The following ADAT1 variants were observed in gnomAD, a reference collection of about 807,000 sequenced individuals.
The protein encoded by ADAT1 is tRNA-specific adenosine deaminase 1.
In ADAT1, 58 loss-of-function variants were observed where a neutral mutation model predicts 58.6. The ratio of observed to expected loss-of-function variants is 0.99; its 90% CI spans 0.80 to 1.23. The LOEUF is 1.23. Among genes scored for constraint, ADAT1 ranks in the 50% most tolerant of loss-of-function variants. The pLI is 0.00. For missense variants in ADAT1, 741 were observed against 608.6 expected, an observed-to-expected ratio of 1.22 and a Z score of -2.29; for synonymous variants, 254 against 220.8, an observed-to-expected ratio of 1.15 and a Z score of -1.33.
At chr16:75,608,783 G>A (rs1183306815) in intron 7 of ADAT1, 60 bp downstream of exon 7, 4 of 1,570,174 alleles carry the variant, frequency 2.5e-6, no homozygotes, top group Non-Finnish European at 3.4e-6. Context: ...CCGACCCTCT[G>A]GGGCCACTCT....
chr16:75,600,456 T>G, intron 9 of ADAT1, 108 bp from the exon 10 acceptor site: 1 of 1,499,182 alleles, frequency 6.7e-7, no homozygotes, highest in South Asian at 1.3e-5. Flanking sequence ...GAGACTTAGG[T>G]AGAGAAGGAG....
rs761013553 is a variant in ADAT1 at position 75,603,110 on chromosome 16, T to C, written c.1351A>G (p.Arg451Gly). ...SFQKLLSRIARDKWPHSLRVQ... is the reference protein window; with the variant it reads ...SFQKLLSRIAGDKWPHSLRVQ... The stretch of plus-strand genomic sequence containing the variant: ...CTGAGGGAGTGTGGCCACTTGTCCC[T>C]TGCAATTCTGCTTAGCAGCTTCTGG... Residue 451 changes from arginine (R) to glycine (G), a missense_variant, in exon 9 of 10, where the codon AGG (arginine) becomes GGG (glycine). Arg to Gly is a moderately radical substitution (Grantham distance 125). Coordinates refer to ENST00000564657, the MANE Select transcript of ADAT1 (RefSeq NM_001324445.2). 13 of 1,613,988 alleles carry C rather than the reference T, an allele frequency of 8.1e-6. No individual in the cohort carries two copies. The highest frequency in any genetic ancestry group is 1.0e-5 in the Non-Finnish European group (12 of 1,179,966).
At chr16:75,617,387 T>C (rs947069354) in intron 4 of ADAT1, 115 bp from the exon 5 acceptor site, 18 of 1,150,198 alleles carry the variant, frequency 1.6e-5, no homozygotes, top group East Asian at 4.8e-5. Context: ...CTGGTAGTGA[T>C]GGGGAATTAT....
chr16:75,602,407 A>T (rs1251311741), intron 9 of ADAT1, among the ~76,000 whole-genome samples: 1 of 152,210 alleles, frequency 6.6e-6, no homozygotes, highest in Non-Finnish European at 1.5e-5. Context: ...TAGCCTTCAT[A>T]ATAAAACTTT....
chr16:75,603,517 G>A (rs774268266), intron 8 of ADAT1, among the ~76,000 whole-genome samples: 31 of 152,176 alleles, frequency 2.0e-4, no homozygotes, highest in Non-Finnish European at 4.4e-4. Context: ...ACAAGAAATG[G>A]AAAGCTTTGT....
chr16:75,621,465 C>T (rs2081928333), intron 1 of ADAT1, among the ~76,000 whole-genome samples: 1 of 151,990 alleles, frequency 6.6e-6, no homozygotes. Context: ...CTTGCTGGGT[C>T]TGTTTCCTCA....
rs770955393 is a variant in ADAT1 at position 75,608,945 on chromosome 16, C to A, written c.1087G>T (p.Glu363Ter). 3 of 1,614,180 alleles carry A rather than the reference C, an allele frequency of 1.9e-6. No individual in the cohort carries two copies. Among genetic ancestry groups the A allele is most frequent in the Admixed American group, 3.3e-5 (2 of 59,994 alleles). ...AAATCTGACTGCAGTATTTTTAATTCTTGAACTCCGAAGCCTTTTGGTAAA... is the reference window on the plus strand; with the variant it reads ...AAATCTGACTGCAGTATTTTTAATTATTGAACTCCGAAGCCTTTTGGTAAA... Reference protein sequence around the residue: ...SALPKGFGVQELKILQSDLLF... With the variant: ...SALPKGFGVQ Residue 363 changes from glutamate (E) to a stop codon, truncating the protein, a stop_gained, in exon 7 of 10, where the codon GAA (glutamate) becomes TAA (stop). Coordinates refer to ENST00000564657, the MANE Select transcript of ADAT1 (RefSeq NM_001324445.2). LOFTEE classifies it high-confidence loss of function.
chr16:75,610,044 C>G (rs1567471876), intron 6 of ADAT1, among the ~76,000 whole-genome samples: 1 of 152,096 alleles, frequency 6.6e-6, no homozygotes, highest in Admixed American at 6.5e-5. Context: ...TATGGATTTG[C>G]CTGTTCTAGA....
rs1052311565 is a variant in ADAT1 at position 75,608,558 on chromosome 16, G to A, written c.1190-235C>T. 2.0e-4 allele frequency: 116 copies of A among 581,134 alleles called. No homozygotes were observed. The East Asian group carries it at 3.2e-3, about 16-fold the overall frequency. The allele number at this position is 581,134 out of a possible 1,614,324, so 36.0% of individuals were successfully genotyped here. A position where few individuals can be genotyped will look rare whatever the true frequency, so the allele number is the denominator to read the frequency against. On this transcript the variant is annotated intron_variant, in intron 7 of 9. Coordinates refer to ENST00000564657, the MANE Select transcript of ADAT1 (RefSeq NM_001324445.2). Reference sequence around the variant, plus strand: ...GAGCATTTATTATTTGCTGGGCACAGAGTAAATGCATTAAACAGAATTTCT... The same window carrying A: ...GAGCATTTATTATTTGCTGGGCACAAAGTAAATGCATTAAACAGAATTTCT...
chr16:75,621,596 T>C (rs1286533876), intron 1 of ADAT1, among the ~76,000 whole-genome samples: 1 of 152,192 alleles, frequency 6.6e-6, no homozygotes, highest in African/African-American at 2.4e-5. Context: ...ATTGCTACTA[T>C]GTTGAGCATA....
In ADAT1 at chr16:75,604,474, T is replaced by TACACACACACAC. The variant is rs373687206; in HGVS notation, c.1290-1315_1290-1304dup. Among the ~76,000 whole-genome samples the TACACACACACAC allele has an allele frequency of 7.6e-3, 409 of 53,996 alleles. 7 individuals carry two copies. The highest frequency in any genetic ancestry group is 0.013 in the Middle Eastern group (1 of 80). 35.4% of individuals were successfully genotyped at this position (53,996 alleles called of 152,430 possible). A position where few individuals can be genotyped will look rare whatever the true frequency, so the allele number is the denominator to read the frequency against. On this transcript the variant is annotated intron_variant, in intron 8 of 9. Transcript: ENST00000564657. ...AAAAAAAAATATATATATATATATA[T>TACACACACACAC]ACACACACACACACACACACACACA...
intron 5 of ADAT1, among the ~76,000 whole-genome samples, chr16:75,615,607 A>T (rs1597129991): frequency 6.6e-6 from 1 of 150,770 alleles, no homozygotes; most frequent in East Asian, 1.9e-4. Context: ...GTAGCCAGGC[A>T]GGCCGTGGGT....
At position 75,620,781 on chromosome 16, in the gene ADAT1, T is replaced by C; in HGVS notation, c.19A>G (p.Ile7Val). The C allele has an allele frequency of 6.2e-7, 1 of 1,613,312 alleles. No individual in the cohort carries two copies. Among genetic ancestry groups the C allele is most frequent in the Non-Finnish European group, 8.5e-7 (1 of 1,179,360 alleles). The change falls in exon 2 of 10, where the codon ATT becomes GTT. Residue 7 changes from isoleucine (I) to valine (V), a missense_variant. Physicochemically the swap from Ile to Val is conservative, Grantham distance 29. Coordinates refer to ENST00000564657, the MANE Select transcript of ADAT1 (RefSeq NM_001324445.2). Reference protein sequence around the residue: MWTADEIAQLCYEHYGI... With the variant: MWTADEVAQLCYEHYGI... ...TAGTGTTCATAGCATAGCTGAGCAA[T>C]CTCATCCGCGGTCCACATGGTCTGA... is the stretch of plus-strand genomic sequence containing the variant.
chr16:75,611,232 AC>A (rs1567473051), intron 6 of ADAT1, among the ~76,000 whole-genome samples: 1 of 152,176 alleles, frequency 6.6e-6, no homozygotes, highest in Non-Finnish European at 1.5e-5. Flanking sequence ...GAAGAAAAAA[AC>A]CACCCATAAT....
At chr16:75,604,554 G>A (rs1231542850) in intron 8 of ADAT1, among the ~76,000 whole-genome samples, 5 of 100,964 alleles carry the variant, frequency 5.0e-5, no homozygotes, top group African/African-American at 7.5e-5. Context: ...GAAAATATAC[G>A]CAAAGAAAGC....
Position 75,597,483 on chromosome 16 carries a change from C to T in ADAT1, c.*2733G>A, listed in dbSNP as rs977693005. On this transcript the variant is annotated 3_prime_UTR_variant, in exon 10 of 10. Coordinates refer to ENST00000564657, the MANE Select transcript of ADAT1 (RefSeq NM_001324445.2). ...GAGCAGCAGTCCCCAACCTTTTTGG[C>T]ACCAGGGACTGGTTTCATGGAAGAT... 2 of 392,866 alleles carry T rather than the reference C, an allele frequency of 5.1e-6. No homozygotes were observed. Among genetic ancestry groups the T allele is most frequent in the Non-Finnish European group, 1.0e-5 (2 of 193,472 alleles). 24.3% of individuals were successfully genotyped at this position (392,866 alleles called of 1,614,324 possible).
chr16:75,604,297 G>C (rs2081303564), intron 8 of ADAT1, among the ~76,000 whole-genome samples: 1 of 150,890 alleles, frequency 6.6e-6, no homozygotes, highest in Admixed American at 6.6e-5. Context: ...GCTGGGAGTG[G>C]TGGCGCATGC....
chr16:75,619,855 T>C (rs890550558), intron 3 of ADAT1: 5 of 274,952 alleles, frequency 1.8e-5, no homozygotes, highest in East Asian at 1.0e-4. Flanking sequence ...GATTGCCCCA[T>C]TGCACTCCAG....
At chr16:75,616,760 A>G (rs2081739528) in intron 5 of ADAT1, among the ~76,000 whole-genome samples, 2 of 152,226 alleles carry the variant, frequency 1.3e-5, no homozygotes, top group Admixed American at 1.3e-4. Context: ...GTGCCTGACA[A>G]ATAGTAGAAA....
Sources: gnomAD v4.1 joint callset for allele counts (sites outside exome capture counted in the v4.1 genomes callset) on GRCh38, gnomAD v4.1.1 for gene constraint, MANE v1.5 for transcripts, NCBI Gene and HGNC (gene_info 2026-07-23, HGNC 2026-07-21) for gene names.